CPNE1: variants seen among roughly 807,000 people sequenced by gnomAD.
CPNE1 encodes copine 1.
Under a neutral mutation model 63.2 loss-of-function variants are expected in CPNE1, and 58 were observed. The observed-to-expected ratio is 0.92, with a 90% CI of 0.74 to 1.14. The LOEUF is 1.14. CPNE1 is among the 50% of genes most tolerant of loss of function. The pLI is 0.00. For synonymous variants in CPNE1, 237 were observed against 249.0 expected (o/e 0.95, Z 0.45); for missense variants, 672 against 661.7 (o/e 1.02, Z -0.17).
rs182700827 is a variant in CPNE1, at chr20:35,636,514, A to T, written c.1-3591T>A. 8.5e-5 allele frequency among the ~76,000 whole-genome samples: 13 copies of T among 152,296 alleles called. No homozygotes were observed. The East Asian group carries it at 2.5e-3, about 29-fold the overall frequency. ...ATTGGTATCCTATGAAAAAATCAAA[A>T]ATAGGCCGGGCGCAGTGGCTCACTG... On this transcript the variant is annotated intron_variant, in intron 1 of 15. Transcript: ENST00000397443.
intron 1 of CPNE1, chr20:35,654,067 C>A (rs767179118): frequency 6.2e-7 from 1 of 1,614,210 alleles, no homozygotes; most frequent in South Asian, 1.1e-5. Flanking sequence ...TGACCTTGAT[C>A]TTTTCTGCCC....
intron 13 of CPNE1, 79 bp from the exon 14 acceptor site, chr20:35,627,492 C>G (rs2031838154): frequency 6.9e-6 from 10 of 1,453,666 alleles, no homozygotes; most frequent in East Asian, 4.7e-5. Flanking sequence ...CCCATCCCAG[C>G]CCAGGAGATC....
chr20:35,655,106 A>G, intron 1 of CPNE1: 5 of 1,614,164 alleles, frequency 3.1e-6, no homozygotes, highest in Non-Finnish European at 4.2e-6. Context: ...TTACTACTCA[A>G]CAATAGTGTT....
chr20:35,637,156 A>G (rs545704823), intron 1 of CPNE1, among the ~76,000 whole-genome samples: 1 of 152,198 alleles, frequency 6.6e-6, no homozygotes, highest in South Asian at 2.1e-4. Context: ...CTTCCAGTTC[A>G]ACAACCCCTA....
rs746148948 is a variant in CPNE1, at chr20:35,631,553, T to C, written c.653A>G (p.Asp218Gly). ...IQVQCSDYDS[D>G]GSHDLIGTFH... ...GGTACCGATGAGATCATGTGACCCG[T>C]CACTGTCATAATCGGAGCATTGCAC... Residue 218 changes from aspartate (D) to glycine (G), a missense_variant, in exon 8 of 16, where the codon GAC becomes GGC. Physicochemically the swap from Asp to Gly is moderately conservative, Grantham distance 94. Coordinates refer to ENST00000397443, the MANE Select transcript of CPNE1 (RefSeq NM_152925.3). The C allele has an allele frequency of 1.2e-6, 2 of 1,613,858 alleles. No homozygotes were observed. The highest frequency in any genetic ancestry group is 2.7e-5 in the African/African-American group (2 of 74,862).
chr20:35,648,013 C>T (rs1237849311), intron 1 of CPNE1, among the ~76,000 whole-genome samples: 1 of 150,780 alleles, frequency 6.6e-6, no homozygotes, highest in Non-Finnish European at 1.5e-5. Context: ...TGCAGTGAGC[C>T]GAGATCGCAC....
At chr20:35,645,012 A>C (rs1194841835) in intron 1 of CPNE1, among the ~76,000 whole-genome samples, 1 of 152,176 alleles carries the variant, frequency 6.6e-6, no homozygotes, top group African/African-American at 2.4e-5. Flanking sequence ...TGAAATCTAC[A>C]TTCTTTTAAT....
rs768046649 is a variant in CPNE1, at chr20:35,626,746, G to C, written c.1294C>G (p.Arg432Gly). ...TTCGAGGCACGCACCACAGCCTCAC[G>C]TGTGGCTTCCACATCCGTCACAGCA... ...DGAVTDVEAT[R>G]EAVVRASNLP... Residue 432 changes from arginine (R) to glycine (G), a missense_variant, in exon 15 of 16, where the codon CGT (arginine) becomes GGT (glycine). Arg to Gly is a moderately radical substitution (Grantham distance 125, BLOSUM62 -2). Transcript: ENST00000397443. 1.9e-6 allele frequency: 3 copies of C among 1,614,108 alleles called. No individual in the cohort carries two copies. Among genetic ancestry groups the C allele is most frequent in the Non-Finnish European group, 2.5e-6 (3 of 1,180,022 alleles).
At chr20:35,654,547 A>G in intron 1 of CPNE1, 5 of 1,614,232 alleles carry the variant, frequency 3.1e-6, no homozygotes, top group Non-Finnish European at 4.2e-6. Context: ...AGAGCCATTC[A>G]TTCCAGCAGG....
chr20:35,646,810 T>A (rs568730979), intron 1 of CPNE1, among the ~76,000 whole-genome samples: 1 of 152,182 alleles, frequency 6.6e-6, no homozygotes, highest in South Asian at 2.1e-4. Context: ...TTGCTGGGCA[T>A]TGCCCCACAA....
rs759234111 is a variant in CPNE1, at chr20:35,654,056, T to C, written c.-1+10704A>G. Reference sequence around the variant, plus strand: ...CAAAAACCAGCCTCATGTGGTGATCTTGACCTTGATCTTTTCTGCCCACTG... The same window carrying C: ...CAAAAACCAGCCTCATGTGGTGATCCTGACCTTGATCTTTTCTGCCCACTG... On this transcript the variant is annotated intron_variant, in intron 1 of 15. Transcript: ENST00000397443. 37 of 1,614,252 alleles carry C rather than the reference T, an allele frequency of 2.3e-5. No homozygotes were observed. The highest frequency in any genetic ancestry group is 3.3e-5 in the South Asian group (3 of 91,090).
chr20:35,637,951 T>A (rs1019500039), intron 1 of CPNE1, among the ~76,000 whole-genome samples: 1 of 152,202 alleles, frequency 6.6e-6, no homozygotes, highest in African/African-American at 2.4e-5. Context: ...AAATAAGCTA[T>A]ACTAGAGTAG....
At chr20:35,655,504 G>A (rs942571089) in intron 1 of CPNE1, among the ~76,000 whole-genome samples, 7 of 152,096 alleles carry the variant, frequency 4.6e-5, no homozygotes, top group East Asian at 1.9e-4. Flanking sequence ...TGAACATTAC[G>A]TGCCATTTAC....
intron 1 of CPNE1, chr20:35,652,562 G>A: frequency 6.2e-7 from 1 of 1,613,832 alleles, no homozygotes; most frequent in Non-Finnish European, 8.5e-7. Flanking sequence ...GAACCTATAG[G>A]CCTGTCATTT....
At chr20:35,639,150 T>A (rs1005463426) in intron 1 of CPNE1, among the ~76,000 whole-genome samples, 1 of 150,910 alleles carries the variant, frequency 6.6e-6, no homozygotes, top group East Asian at 1.9e-4. Flanking sequence ...AGTTAAGGCA[T>A]GTTGAAATGT....
intron 1 of CPNE1, chr20:35,647,448 T>C (rs2033191511): frequency 6.6e-6 from 1 of 152,116 alleles, no homozygotes; most frequent in African/African-American, 2.4e-5. Context: ...ACATTTTCAC[T>C]GGAAGGAGGT....
Position 35,631,769 on chromosome 20 carries a change from C to T in CPNE1, c.546G>A (p.Lys182=). ...WHLVYRSEVI[K]NNLNPTWKRF... ...GCTTCCATGTAGGGTTCAGGTTGTT[C>T]TTGATGACCTGAAGGTGGAGGCCAA... Residue 182 remains lysine, a synonymous_variant, in exon 7 of 16, where the codon AAG becomes AAA. Transcript: ENST00000397443. The T allele has an allele frequency of 3.1e-6, 5 of 1,613,816 alleles. No homozygotes were observed. The highest frequency in any genetic ancestry group is 1.7e-4 in the Middle Eastern group (1 of 6,000).
At chr20:35,655,178 T>C (rs2033822517) in intron 1 of CPNE1, 4 of 1,614,066 alleles carry the variant, frequency 2.5e-6, no homozygotes, top group African/African-American at 1.3e-5. Flanking sequence ...TCTTCATCAG[T>C]GGCAAAAACG....
intron 1 of CPNE1, among the ~76,000 whole-genome samples, chr20:35,662,820 T>TGAAAGAAGCC (rs2034308033): frequency 6.6e-6 from 1 of 152,136 alleles, no homozygotes; most frequent in Non-Finnish European, 1.5e-5. Flanking sequence ...TCAAAGAAGG[T>TGAAAGAAGCC]GAAAGAAGCC....
Sources: gnomAD v4.1 joint callset for allele counts (sites outside exome capture counted in the v4.1 genomes callset) on GRCh38, gnomAD v4.1.1 for gene constraint, MANE v1.5 for transcripts, NCBI Gene and HGNC (gene_info 2026-07-23, HGNC 2026-07-21) for gene names.